The following ASH1L variants were observed in gnomAD, a reference collection of about 807,000 sequenced individuals.
The protein encoded by ASH1L is ASH1 like histone lysine methyltransferase.
Under a neutral mutation model 269.0 loss-of-function variants are expected in ASH1L, and 23 were observed. The ratio of observed to expected loss-of-function variants is 0.09; its 90% confidence interval spans 0.06 to 0.12. ASH1L has a LOEUF of 0.12. Ranked by LOEUF, ASH1L falls within the 10% of genes least tolerant of loss-of-function variation. The pLI is 1.00. For synonymous variants in ASH1L, 1,187 were observed against 1,253.5 expected (o/e 0.95, Z 1.12); for missense variants, 2,912 against 3,567.8 (o/e 0.82, Z 4.68).
chr1:155,356,655 A>C (rs1654416383), intron 15 of ASH1L, among the ~76,000 whole-genome samples: 1 of 151,786 alleles, frequency 6.6e-6, no homozygotes, highest in Non-Finnish European at 1.5e-5. Flanking sequence ...AAAAAAAAAA[A>C]AAACAACAAA....
Position 155,500,169 on chromosome 1 carries a change from T to C in ASH1L, c.421-17720A>G, listed in dbSNP as rs188647327. Reference sequence around the variant, plus strand: ...TCATGCTTCCGTAATAGAAGTCATTTTGAGAAAAGAGTGACATCCTGTTTT... The same window carrying C: ...TCATGCTTCCGTAATAGAAGTCATTCTGAGAAAAGAGTGACATCCTGTTTT... On this transcript the variant is annotated intron_variant, in intron 2 of 27. Coordinates refer to ENST00000392403, the MANE Select transcript of ASH1L (RefSeq NM_018489.3). Among the ~76,000 whole-genome samples the C allele has an allele frequency of 1.3e-3, 195 of 152,362 alleles. 2 individuals are homozygous for C. Among genetic ancestry groups the C allele is most frequent in the African/African-American group, 3.8e-3 (159 of 41,598 alleles).
chr1:155,555,876 A>G (rs1484547148), intron 1 of ASH1L, among the ~76,000 whole-genome samples: 1 of 152,018 alleles, frequency 6.6e-6, no homozygotes, highest in Non-Finnish European at 1.5e-5. Context: ...CAGTGAAAAG[A>G]ATTTTTAAAT....
At chr1:155,498,829 C>T (rs191208674) in intron 2 of ASH1L, among the ~76,000 whole-genome samples, 30 of 151,568 alleles carry the variant, frequency 2.0e-4, no homozygotes, top group East Asian at 1.2e-3. Context: ...TCAGCCACTG[C>T]GCCTGGCCCA....
chr1:155,403,803 C>G (rs1659044708), intron 6 of ASH1L, among the ~76,000 whole-genome samples: 1 of 151,540 alleles, frequency 6.6e-6, no homozygotes, highest in Non-Finnish European at 1.5e-5. Context: ...AATACAGAAG[C>G]TTTTTTTGGA....
chr1:155,559,032 C>A (rs943724411), intron 1 of ASH1L, among the ~76,000 whole-genome samples: 1 of 148,148 alleles, frequency 6.8e-6, no homozygotes, highest in Non-Finnish European at 1.5e-5. Flanking sequence ...TTAGTAGAGA[C>A]GGGGTTTTGC....
intron 5 of ASH1L, chr1:155,433,778 C>G (rs1661821890): frequency 6.2e-7 from 1 of 1,605,436 alleles, no homozygotes; most frequent in Non-Finnish European, 8.5e-7. Flanking sequence ...CATGTGTAAG[C>G]TGCGGCCCTT....
chr1:155,477,665 C>CT (rs1167982020), intron 3 of ASH1L, among the ~76,000 whole-genome samples: 5 of 151,910 alleles, frequency 3.3e-5, no homozygotes, highest in Admixed American at 1.3e-4. Context: ...ATATTTCTTT[C>CT]TTTTTTTCTT....
chr1:155,507,800 T>C (rs550637024), intron 2 of ASH1L, among the ~76,000 whole-genome samples: 82 of 152,270 alleles, frequency 5.4e-4, no homozygotes, highest in African/African-American at 1.8e-3. Context: ...CCTAAGCCCA[T>C]GGGAGCCAAG....
intron 6 of ASH1L, among the ~76,000 whole-genome samples, chr1:155,400,892 G>A (rs950609123): frequency 6.6e-6 from 1 of 152,196 alleles, no homozygotes; most frequent in Non-Finnish European, 1.5e-5. Flanking sequence ...TGATGTGGTG[G>A]CTCACGCCTG....
chr1:155,541,580 AAAT>A (rs1477274505), intron 1 of ASH1L, among the ~76,000 whole-genome samples: 1 of 152,206 alleles, frequency 6.6e-6, no homozygotes, highest in Non-Finnish European at 1.5e-5. Flanking sequence ...AAAGTTAGAC[AAAT>A]TTTTTACTCA....
At chr1:155,511,709 T>C (rs1668172082) in intron 2 of ASH1L, among the ~76,000 whole-genome samples, 1 of 152,172 alleles carries the variant, frequency 6.6e-6, no homozygotes, top group South Asian at 2.1e-4. Context: ...TTTCACCATG[T>C]TGGCCAGCAT....
rs539986547 is a variant in ASH1L, at chr1:155,390,643, C to T, written c.6103+4816G>A. On this transcript the variant is annotated intron_variant, in intron 7 of 27. Coordinates refer to ENST00000392403, the MANE Select transcript of ASH1L (RefSeq NM_018489.3). ...AGTTAATATCATTCTCCCCCCCCCC[C>T]CTTTTTTCTTTCTTTTTTTTGAGAC... Among the ~76,000 whole-genome samples the T allele has an allele frequency of 4.4e-5, 6 of 135,430 alleles. No individual in the cohort carries two copies. The East Asian group carries it at 1.0e-3, about 23-fold the overall frequency. 88.8% of individuals were successfully genotyped at this position (135,430 alleles called of 152,430 possible).
intron 5 of ASH1L, among the ~76,000 whole-genome samples, chr1:155,435,397 T>G (rs1023640704): frequency 1.3e-5 from 2 of 152,190 alleles, no homozygotes; most frequent in African/African-American, 4.8e-5. Flanking sequence ...TAATTCTGTA[T>G]GTTCTGATGA....
rs191555719 is a variant in ASH1L at position 155,442,363 on chromosome 1, G to A, written c.5087-3295C>T. Among the ~76,000 whole-genome samples the A allele has an allele frequency of 1.7e-3, 261 of 151,748 alleles. 1 individual carries two copies. Among genetic ancestry groups the A allele is most frequent in the African/African-American group, 6.0e-3 (249 of 41,416 alleles). ...AGCACTTTGGGAGGCTGAGGTGGGC[G>A]GATCAGGTCAGGAGTTTGAAACCAG... On this transcript the variant is annotated intron_variant, in intron 4 of 27. Coordinates refer to ENST00000392403, the MANE Select transcript of ASH1L (RefSeq NM_018489.3).
intron 5 of ASH1L, among the ~76,000 whole-genome samples, chr1:155,437,298 G>A (rs546070209): frequency 2.6e-5 from 4 of 152,246 alleles, no homozygotes; most frequent in East Asian, 1.9e-4. Flanking sequence ...AAGCGATTGA[G>A]TAGACACTTC....
At chr1:155,414,587 G>A (rs112302952) in intron 6 of ASH1L, among the ~76,000 whole-genome samples, 281 of 152,228 alleles carry the variant, frequency 1.8e-3, no homozygotes, top group African/African-American at 6.6e-3. Flanking sequence ...GGGATTATAG[G>A]TGTGAGCCAC....
At chr1:155,444,956 T>C (rs1309169756) in intron 4 of ASH1L, among the ~76,000 whole-genome samples, 3 of 152,062 alleles carry the variant, frequency 2.0e-5, no homozygotes, top group African/African-American at 4.8e-5. Context: ...TTTTATACTA[T>C]TTAAGAAATC....
chr1:155,393,717 G>A (rs1658133102), intron 7 of ASH1L, among the ~76,000 whole-genome samples: 1 of 151,940 alleles, frequency 6.6e-6, no homozygotes, highest in South Asian at 2.1e-4. Context: ...ACCATGCCCA[G>A]CTAATTTTTT....
upstream of ASH1L, chr1:155,563,120 C>T (rs1672167463): frequency 6.6e-6 from 3 of 457,652 alleles, no homozygotes; most frequent in Non-Finnish European, 1.3e-5. Flanking sequence ...CCCTCTGCTC[C>T]TCCTCCTCCG....
Sources: gnomAD v4.1 joint callset for allele counts (sites outside exome capture counted in the v4.1 genomes callset) on GRCh38, gnomAD v4.1.1 for gene constraint, MANE v1.5 for transcripts, NCBI Gene and HGNC (gene_info 2026-07-23, HGNC 2026-07-21) for gene names.